Variants in CRACD observed in about 807,000 individuals in gnomAD.
CRACD encodes the protein capping protein-inhibiting regulator of actin dynamics.
CRACD carries 56 observed loss-of-function variants against 106.8 expected under a neutral mutation model. The ratio of observed to expected loss-of-function variants is 0.52; its 90% CI spans 0.42 to 0.66. The LOEUF (loss-of-function observed/expected upper bound fraction) is 0.66. Ranked by LOEUF, CRACD falls within the 30% of genes least tolerant of loss-of-function variation. The pLI is 0.00. For missense variants in CRACD, 1,730 were observed against 1,623.2 expected (o/e 1.07, Z -1.13); for synonymous variants, 754 against 670.8 (o/e 1.12, Z -1.92).
chr4:56,058,290 G>A (rs768620539), intron 1 of CRACD, among the ~76,000 whole-genome samples: 65 of 152,074 alleles, frequency 4.3e-4, no homozygotes, highest in Non-Finnish European at 5.3e-4. Flanking sequence ...GGCTGGTCTC[G>A]AACCCTTGGG....
At chr4:56,196,348 G>A (rs374251497) in intron 2 of CRACD, 2 of 152,882 alleles carry the variant, frequency 1.3e-5, no homozygotes, top group African/African-American at 2.4e-5. Flanking sequence ...TTTCAGTGAC[G>A]TTTAACAAAG....
intron 1 of CRACD, among the ~76,000 whole-genome samples, chr4:56,060,658 C>G (rs527319303): frequency 6.6e-6 from 1 of 151,986 alleles, no homozygotes; most frequent in African/African-American, 2.4e-5. Flanking sequence ...TAAAGGGTGC[C>G]GCAATGGACT....
chr4:56,096,277 C>G (rs1733597460), intron 1 of CRACD, among the ~76,000 whole-genome samples: 1 of 152,128 alleles, frequency 6.6e-6, no homozygotes, highest in African/African-American at 2.4e-5. Flanking sequence ...GAATCAATTG[C>G]AAAGATGTTC....
chr4:56,250,153 A>G lies in CRACD; in HGVS notation c.-188-22168A>G, dbSNP rs11935865. On this transcript the variant is annotated intron_variant, in intron 2 of 10. Coordinates refer to ENST00000682029, the MANE Select transcript of CRACD (RefSeq NM_001393381.1). The stretch of plus-strand genomic sequence containing the variant: ...TTTCTTTCTCACGTTTTGATTCTCT[A>G]TATTCCACTATTCTCCTTTCCCTTC... Among the ~76,000 whole-genome samples the G allele has an allele frequency of 2.2e-3, 334 of 152,002 alleles. 1 individual carries two copies. Among genetic ancestry groups the G allele is most frequent in the African/African-American group, 7.5e-3 (312 of 41,468 alleles).
At chr4:56,220,325 T>C (rs1192146172) in intron 2 of CRACD, among the ~76,000 whole-genome samples, 1 of 152,236 alleles carries the variant, frequency 6.6e-6, no homozygotes, top group Non-Finnish European at 1.5e-5. Flanking sequence ...TTCCAGTCTC[T>C]GCTCTTGTAA....
In CRACD at chr4:56,179,941, C is replaced by T. The variant is rs186767148; in HGVS notation, c.-189+511C>T. Among the ~76,000 whole-genome samples the T allele has an allele frequency of 4.7e-3, 715 of 151,846 alleles. 5 individuals carry two copies. The highest frequency in any genetic ancestry group is 0.016 in the African/African-American group (680 of 41,396). On this transcript the variant is annotated intron_variant, in intron 2 of 10. Coordinates refer to ENST00000682029, the MANE Select transcript of CRACD (RefSeq NM_001393381.1). ...CTGAGGCAGGAGAATCGCTTGAACT[C>T]AGGAGGCAGAAGTTGCAGTGAGCCA...
intron 1 of CRACD, among the ~76,000 whole-genome samples, chr4:56,063,522 C>A (rs1732353500): frequency 6.6e-6 from 1 of 152,074 alleles, no homozygotes; most frequent in African/African-American, 2.4e-5. Context: ...ATTCTGAACC[C>A]ATTAAACAGT....
chr4:56,205,111 A>T (rs1334938348), intron 2 of CRACD, among the ~76,000 whole-genome samples: 2 of 152,196 alleles, frequency 1.3e-5, no homozygotes, highest in Admixed American at 6.5e-5. Flanking sequence ...AGCTATGATC[A>T]CACCACTGCA....
At chr4:56,157,331 C>A (rs1263974268) in intron 1 of CRACD, among the ~76,000 whole-genome samples, 2 of 152,006 alleles carry the variant, frequency 1.3e-5, no homozygotes, top group African/African-American at 2.4e-5. Context: ...AAAAGAAAAT[C>A]AAAGTTTACT....
At chr4:56,164,902 A>G (rs1004596698) in intron 1 of CRACD, among the ~76,000 whole-genome samples, 2 of 152,220 alleles carry the variant, frequency 1.3e-5, no homozygotes, top group South Asian at 2.1e-4. Context: ...TCTGAATGCA[A>G]TTTGGTTCAG....
At chr4:56,061,616 A>ATC (rs1478483843) in intron 1 of CRACD, among the ~76,000 whole-genome samples, 3 of 152,078 alleles carry the variant, frequency 2.0e-5, no homozygotes, top group Non-Finnish European at 4.4e-5. Context: ...CACCGTGGAG[A>ATC]TGACATTCTG....
At chr4:56,115,603 G>A (rs28375944) in intron 1 of CRACD, among the ~76,000 whole-genome samples, 48,742 of 152,000 alleles carry the variant, frequency 0.32, 8,939 homozygotes, top group African/African-American at 0.51. Flanking sequence ...CTAATCATAC[G>A]GAGGAAATGG....
At position 56,328,310 on chromosome 4, in the gene CRACD, T is replaced by A. The variant is rs1195662344; in HGVS notation, c.*506T>A. On this transcript the variant is annotated 3_prime_UTR_variant, in exon 11 of 11. Coordinates refer to ENST00000682029, the MANE Select transcript of CRACD (RefSeq NM_001393381.1). ...AGAACACCCATTCTCCTGAATGCAG[T>A]GAGTAATTGGGAATCACAAGGAACA... 1 of 518,698 alleles carries A rather than the reference T, an allele frequency of 1.9e-6. No homozygotes were observed. The highest frequency in any genetic ancestry group is 1.9e-5 in the Admixed American group (1 of 51,574). 32.1% of individuals were successfully genotyped at this position (518,698 alleles called of 1,614,324 possible).
intron 2 of CRACD, among the ~76,000 whole-genome samples, chr4:56,200,343 G>C (rs1317388324): frequency 1.3e-5 from 2 of 152,144 alleles, no homozygotes; most frequent in African/African-American, 4.8e-5. Flanking sequence ...CCCAGAACCT[G>C]AGTCAGATTA....
At chr4:56,285,644 T>C (rs1392179362) in intron 3 of CRACD, among the ~76,000 whole-genome samples, 1 of 152,054 alleles carries the variant, frequency 6.6e-6, no homozygotes, top group Admixed American at 6.6e-5. Context: ...GGTCTTGTAG[T>C]GTTGTTGCCT....
chr4:56,315,179 G>A lies in CRACD; in HGVS notation c.1677G>A (p.Thr559=), dbSNP rs1164282485. The A allele has an allele frequency of 1.9e-6, 3 of 1,597,436 alleles. No homozygotes were observed. The highest frequency in any genetic ancestry group is 2.6e-6 in the Non-Finnish European group (3 of 1,172,560). The change falls in exon 8 of 11, where the codon ACG becomes ACA. Residue 559 remains threonine, a synonymous_variant. Coordinates refer to ENST00000682029, the MANE Select transcript of CRACD (RefSeq NM_001393381.1). This position sits in a 1 kb window ranked among gnomAD's most constrained non-coding sequence, Gnocchi z 4.1. ...LFPKVNLSPV[T]PAKDTGLTAA... ...CCAAAGTCAACCTGAGCCCCGTGAC[G>A]CCCGCAAAGGACACGGGGCTCACCG...
At chr4:56,061,255 C>T (rs1310284111) in intron 1 of CRACD, among the ~76,000 whole-genome samples, 2 of 152,138 alleles carry the variant, frequency 1.3e-5, no homozygotes, top group Non-Finnish European at 2.9e-5. Flanking sequence ...ACGGCAGCCT[C>T]GACCTCCGGG....
At chr4:56,089,445 G>A (rs1381480968) in intron 1 of CRACD, among the ~76,000 whole-genome samples, 1 of 152,110 alleles carries the variant, frequency 6.6e-6, no homozygotes, top group Non-Finnish European at 1.5e-5. Flanking sequence ...TTCCTGTGGG[G>A]AACCTAGCTA....
intron 1 of CRACD, among the ~76,000 whole-genome samples, chr4:56,104,799 C>G (rs548985079): frequency 1.3e-5 from 2 of 152,046 alleles, no homozygotes; most frequent in South Asian, 2.1e-4. Flanking sequence ...AACTCTGTCT[C>G]TACTAAAAAT....
Sources: allele counts gnomAD v4.1 joint callset (sites outside exome capture counted in the v4.1 genomes callset), GRCh38; gene constraint gnomAD v4.1.1; non-coding constraint Gnocchi (gnomAD v3.1); transcripts MANE v1.5; gene names NCBI Gene and HGNC (gene_info 2026-07-23, HGNC 2026-07-21).